The following GULP1 variants were observed in gnomAD, a reference collection of about 807,000 sequenced individuals.
GULP1 encodes the protein PTB domain-containing engulfment adapter protein 1.
Under a neutral mutation model 40.9 loss-of-function variants are expected in GULP1, and 19 were observed. The ratio of observed to expected loss-of-function variants is 0.46; its 90% confidence interval spans 0.32 to 0.68. The LOEUF is 0.68. Ranked by LOEUF, GULP1 falls within the 30% of genes least tolerant of loss-of-function variation. GULP1 has a pLI of 0.03. For synonymous variants in GULP1, 119 were observed against 117.6 expected (o/e 1.01, Z -0.08); for missense variants, 312 against 362.2 (o/e 0.86, Z 1.12).
At chr2:188,370,548 G>T (rs1559160584) in intron 1 of GULP1, among the ~76,000 whole-genome samples, 1 of 152,008 alleles carries the variant, frequency 6.6e-6, no homozygotes, top group Non-Finnish European at 1.5e-5. Context: ...TACTTTATGG[G>T]TTATTTCAAT....
chr2:188,540,784 C>G (rs1184672619), intron 6 of GULP1, among the ~76,000 whole-genome samples: 3 of 152,092 alleles, frequency 2.0e-5, no homozygotes, highest in African/African-American at 7.2e-5. Flanking sequence ...GAGAATTGCT[C>G]TGGTTTAAAA....
chr2:188,579,015 A>G (rs1322074365), intron 9 of GULP1, among the ~76,000 whole-genome samples: 3 of 152,128 alleles, frequency 2.0e-5, no homozygotes, highest in African/African-American at 7.2e-5. Context: ...TCATATCCTT[A>G]TTGAATAGGC....
intron 5 of GULP1, among the ~76,000 whole-genome samples, chr2:188,528,651 TGTGGTTGGATAGAATA>T (rs944210751): frequency 1.3e-5 from 2 of 152,190 alleles, no homozygotes; most frequent in African/African-American, 4.8e-5. Context: ...TATTTATTGA[TGTGGTTGGATAGAATA>T]GTGTTCCAAA....
intron 4 of GULP1, among the ~76,000 whole-genome samples, chr2:188,504,953 T>G (rs2063766364): frequency 6.6e-6 from 1 of 150,996 alleles, no homozygotes; most frequent in Admixed American, 6.6e-5. Context: ...GCTTTGTTGT[T>G]TTTTTTTTGC....
In GULP1 at chr2:188,376,347, C is replaced by T. The variant is rs550813380; in HGVS notation, c.-171-7416C>T. 3.3e-5 allele frequency among the ~76,000 whole-genome samples: 5 copies of T among 152,148 alleles called. No individual in the cohort carries two copies. The South Asian group carries it at 6.2e-4, about 19-fold the overall frequency. ...TATCAATTCATAGCTAAGGTCTTAA[C>T]GTAAGATTTAGCAATTTAAATTACG... On this transcript the variant is annotated intron_variant, in intron 1 of 11. Transcript: ENST00000409830.
chr2:188,509,042 C>T (rs1013280763), intron 4 of GULP1, among the ~76,000 whole-genome samples: 2 of 152,062 alleles, frequency 1.3e-5, no homozygotes, highest in African/African-American at 4.8e-5. Flanking sequence ...CACTCTGAAA[C>T]TTATTTGCAT....
chr2:188,481,859 A>G (rs1422367492), intron 3 of GULP1, among the ~76,000 whole-genome samples: 1 of 151,948 alleles, frequency 6.6e-6, no homozygotes, highest in Non-Finnish European at 1.5e-5. Context: ...TGGAAGAAGT[A>G]TTGTGATTTA....
rs563613726 is a variant in GULP1 at position 188,443,952 on chromosome 2, C to CT, written c.-44-33698dup. ...TCTTCAGAAAGGGAAAGTCAATTGC[C>CT]TTTTTTTTTCCATTCCAAAAATAAA... On this transcript the variant is annotated intron_variant, in intron 2 of 11. Transcript: ENST00000409830. Among the ~76,000 whole-genome samples the CT allele has an allele frequency of 4.2e-3, 632 of 151,220 alleles. 7 individuals carry two copies. The highest frequency in any genetic ancestry group is 0.01 in the Middle Eastern group (3 of 294).
intron 4 of GULP1, among the ~76,000 whole-genome samples, chr2:188,485,069 A>G (rs2061748989): frequency 6.6e-6 from 1 of 152,152 alleles, no homozygotes; most frequent in South Asian, 2.1e-4. Context: ...GAAAGCTGCT[A>G]TGATTTTAAA....
intron 1 of GULP1, among the ~76,000 whole-genome samples, chr2:188,330,336 A>G (rs568565105): frequency 2.0e-4 from 31 of 152,302 alleles, no homozygotes; most frequent in African/African-American, 7.5e-4. Flanking sequence ...AGGTAGACAT[A>G]TAAAGTATGT....
rs571330184 is a variant in GULP1 at position 188,357,009 on chromosome 2, C to A, written c.-171-26754C>A. Among the ~76,000 whole-genome samples, 20 of 152,166 alleles carry A rather than the reference C, an allele frequency of 1.3e-4. 1 individual carries two copies. In the South Asian group the frequency reaches 4.1e-3, roughly 32 times the overall value. On this transcript the variant is annotated intron_variant, in intron 1 of 11. Coordinates refer to ENST00000409830, the MANE Select transcript of GULP1 (RefSeq NM_016315.4). ...GCTGGGAAAACAGGATATCCACATG[C>A]AGAAAAATAAAACTGGACCCCTATG...
chr2:188,352,616 T>TCACACACACACACACACA (rs1179352194), intron 1 of GULP1, among the ~76,000 whole-genome samples: 121 of 76,046 alleles, frequency 1.6e-3, no homozygotes, highest in East Asian at 5.6e-3. Flanking sequence ...TCTCTCTCTC[T>TCACACACACACACACACA]CTCACACACA....
chr2:188,541,382 C>T (rs1394317635), intron 7 of GULP1, 64 bp downstream of exon 7: 9 of 1,310,984 alleles, frequency 6.9e-6, no homozygotes, highest in Non-Finnish European at 1.0e-5. Flanking sequence ...TGTCTTGCTT[C>T]TGGCATTGGC....
At chr2:188,367,834 A>G (rs2047005433) in intron 1 of GULP1, among the ~76,000 whole-genome samples, 1 of 152,098 alleles carries the variant, frequency 6.6e-6, no homozygotes, top group African/African-American at 2.4e-5. Context: ...AATGAGGAAT[A>G]AAAAAGCCCA....
intron 7 of GULP1, among the ~76,000 whole-genome samples, chr2:188,553,064 T>A (rs1693894343): frequency 6.6e-6 from 1 of 151,968 alleles, no homozygotes; most frequent in Admixed American, 6.6e-5. Flanking sequence ...CTAAATTCAT[T>A]TATCAAATCT....
At chr2:188,516,434 G>A (rs966876727) in intron 4 of GULP1, among the ~76,000 whole-genome samples, 1 of 151,592 alleles carries the variant, frequency 6.6e-6, no homozygotes, top group African/African-American at 2.4e-5. Flanking sequence ...TCAATCTCTA[G>A]TGCTTTGATG....
chr2:188,423,281 TG>T (rs1464887276), intron 2 of GULP1, among the ~76,000 whole-genome samples: 13 of 152,214 alleles, frequency 8.5e-5, no homozygotes, highest in Admixed American at 8.5e-4. Context: ...TAGCTTTATT[TG>T]TTGAAAACAG....
intron 4 of GULP1, among the ~76,000 whole-genome samples, chr2:188,521,851 C>T (rs1442588020): frequency 6.6e-6 from 1 of 152,048 alleles, no homozygotes; most frequent in Non-Finnish European, 1.5e-5. Flanking sequence ...TGGAAGCAGG[C>T]GGATCACGAG....
At chr2:188,414,173 C>T (rs367891405) in intron 2 of GULP1, among the ~76,000 whole-genome samples, 7 of 147,220 alleles carry the variant, frequency 4.8e-5, no homozygotes, top group East Asian at 2.0e-4. Flanking sequence ...GCTAAGATCA[C>T]GCCACTGCAC....
Sources: allele counts gnomAD v4.1 joint callset (sites outside exome capture counted in the v4.1 genomes callset), GRCh38; gene constraint gnomAD v4.1.1; transcripts MANE v1.5; gene names NCBI Gene and HGNC (gene_info 2026-07-23, HGNC 2026-07-21).